KIAA1958: variants seen among roughly 807,000 people sequenced by gnomAD.
KIAA1958 encodes KIAA1958, also known as uncharacterized protein KIAA1958.
Under a neutral mutation model 47.2 loss-of-function variants are expected in KIAA1958, and 14 were observed. The ratio of observed to expected loss-of-function variants is 0.30; its 90% CI spans 0.20 to 0.46. The LOEUF (loss-of-function observed/expected upper bound fraction) is 0.46. Among genes scored for constraint, KIAA1958 ranks in the 20% least tolerant of loss-of-function variants. KIAA1958 has a pLI of 1.00. For missense variants in KIAA1958, 803 were observed against 909.2 expected (o/e 0.88, Z 1.50); for synonymous variants, 354 against 353.3 (o/e 1.00, Z -0.02).
rs1273781964 is a variant in KIAA1958 at position 112,668,061 on chromosome 9, C to T, written c.*7992C>T. On this transcript the variant is annotated 3_prime_UTR_variant, in exon 4 of 4. Transcript: ENST00000337530. ...GCATCATGTTTCTTCATTTTTATTA[C>T]CGAAATAATGTATAAATTGCTCTTG... 1.7e-5 allele frequency: 1 copy of T among 60,056 alleles called. No homozygotes were observed. Among genetic ancestry groups the T allele is most frequent in the Non-Finnish European group, 2.9e-5 (1 of 34,050 alleles). 3.7% of individuals were successfully genotyped at this position (60,056 alleles called of 1,614,324 possible). A position where few individuals can be genotyped will look rare whatever the true frequency, so the allele number is the denominator to read the frequency against.
At chr9:112,507,832 T>C (rs1834257199) in intron 1 of KIAA1958, among the ~76,000 whole-genome samples, 2 of 151,976 alleles carry the variant, frequency 1.3e-5, no homozygotes, top group Non-Finnish European at 2.9e-5. Context: ...GAGGTTTCAC[T>C]ATATTTCCTA....
rs1588057417 is a variant in KIAA1958 at position 112,659,412 on chromosome 9, C to G, written c.1494C>G (p.Ile498Met). The G allele has an allele frequency of 6.2e-7, 1 of 1,614,166 alleles. No individual in the cohort carries two copies. The highest frequency in any genetic ancestry group is 1.3e-5 in the African/African-American group (1 of 75,048). ...AGAATGCAGGTGTCGGCTTTTCCAT[C>G]ACCAGCAGCACCTTCAGCTCCTCCA... ...ILKNAGVGFS[I>M]TSSTFSSSTK... Residue 498 changes from isoleucine (I) to methionine (M), a missense_variant, in exon 4 of 4, where the codon ATC (isoleucine) becomes ATG (methionine). By Grantham distance (10) the Ile-to-Met change is conservative. Transcript: ENST00000337530.
At chr9:112,520,321 C>A (rs1380115668) in intron 1 of KIAA1958, among the ~76,000 whole-genome samples, 2 of 152,192 alleles carry the variant, frequency 1.3e-5, no homozygotes, top group East Asian at 3.9e-4. Flanking sequence ...TCTCAAATAA[C>A]TAGAGGCCAA....
At chr9:112,590,642 C>T (rs991181375) in intron 2 of KIAA1958, among the ~76,000 whole-genome samples, 3 of 152,182 alleles carry the variant, frequency 2.0e-5, no homozygotes, top group Non-Finnish European at 4.4e-5. Context: ...TGAGCCACAG[C>T]GCCGGGCCCA....
intron 3 of KIAA1958, among the ~76,000 whole-genome samples, chr9:112,648,855 G>A (rs1837016434): frequency 6.6e-6 from 1 of 152,168 alleles, no homozygotes; most frequent in African/African-American, 2.4e-5. Flanking sequence ...TATCAGACGT[G>A]CAATGAAGCA....
intron 1 of KIAA1958, among the ~76,000 whole-genome samples, chr9:112,493,213 C>G (rs1002284123): frequency 1.3e-5 from 2 of 151,500 alleles, no homozygotes; most frequent in African/African-American, 4.9e-5. Flanking sequence ...GTAAGTTATG[C>G]ACTATTTGTT....
At chr9:112,498,905 T>C (rs1213504688) in intron 1 of KIAA1958, among the ~76,000 whole-genome samples, 1 of 152,202 alleles carries the variant, frequency 6.6e-6, no homozygotes, top group Non-Finnish European at 1.5e-5. Context: ...CTCCCTTTAC[T>C]CTTCCCAGCC....
chr9:112,668,253 A>G lies in KIAA1958; in HGVS notation c.*8184A>G, dbSNP rs1837377062. The G allele has an allele frequency of 6.6e-6, 1 of 152,224 alleles. No homozygotes were observed. Among genetic ancestry groups the G allele is most frequent in the African/African-American group, 2.4e-5 (1 of 41,454 alleles). The allele number at this position is 152,224 out of a possible 1,614,324, so 9.4% of individuals were successfully genotyped here. On this transcript the variant is annotated 3_prime_UTR_variant, in exon 4 of 4. Coordinates refer to ENST00000337530, the MANE Select transcript of KIAA1958 (RefSeq NM_133465.4). ...CTCAAACGCAGAACTAAAAATGGGT[A>G]TAAAGTCAGAAAATTGCAGAATATA...
chr9:112,515,167 A>G (rs1834397365), intron 1 of KIAA1958, among the ~76,000 whole-genome samples: 1 of 95,286 alleles, frequency 1.0e-5, no homozygotes, highest in African/African-American at 3.7e-5. Context: ...CTGGGAAGTG[A>G]GGAGCCCCTC....
chr9:112,612,716 A>G (rs566951643), intron 2 of KIAA1958, among the ~76,000 whole-genome samples: 32 of 152,338 alleles, frequency 2.1e-4, no homozygotes, highest in African/African-American at 6.7e-4. Context: ...AGTTAGTTCA[A>G]CATATGTGCA....
At chr9:112,626,066 A>T (rs1836604411) in intron 2 of KIAA1958, among the ~76,000 whole-genome samples, 1 of 152,224 alleles carries the variant, frequency 6.6e-6, no homozygotes, top group African/African-American at 2.4e-5. Flanking sequence ...AAGTTTTGGG[A>T]CATATCCTCA....
intron 2 of KIAA1958, among the ~76,000 whole-genome samples, chr9:112,632,908 CTTT>C (rs5900008): frequency 0.011 from 1,580 of 143,082 alleles, 16 homozygotes; most frequent in Middle Eastern, 0.022. Context: ...TGGAAACAGC[CTTT>C]TTTTTTTTTT....
chr9:112,607,122 C>T (rs1469653574), intron 2 of KIAA1958, among the ~76,000 whole-genome samples: 7 of 151,940 alleles, frequency 4.6e-5, no homozygotes, highest in African/African-American at 9.7e-5. Context: ...TTTGGGAGGC[C>T]GAGGTGGGCA....
At chr9:112,645,595 C>T (rs981688204) in intron 2 of KIAA1958, 55 bp from the exon 3 acceptor site, 4 of 1,215,686 alleles carry the variant, frequency 3.3e-6, no homozygotes, top group African/African-American at 1.5e-5. Context: ...AGATGTAATT[C>T]TCTAAAGAAG....
chr9:112,625,786 T>G (rs1836599720), intron 2 of KIAA1958, among the ~76,000 whole-genome samples: 1 of 152,240 alleles, frequency 6.6e-6, no homozygotes, highest in Non-Finnish European at 1.5e-5. Context: ...ACTTTTCTTT[T>G]TGGAGTTTGA....
rs780348736 is a variant in KIAA1958 at position 112,574,057 on chromosome 9, G to GA, written c.-23dup. On this transcript the variant is annotated splice_region_variant and 5_prime_UTR_variant, in exon 2 of 4. An upstream open reading frame in the 5' UTR gains an earlier in-frame stop. Transcript: ENST00000337530. ...TCTTCTTTTGATTATTTCCCTTTAG[G>GA]AGTGACACTGCTGATCCTGTAACAT... is the stretch of plus-strand genomic sequence containing the variant. 3 of 1,450,042 alleles carry GA rather than the reference G, an allele frequency of 2.1e-6. No homozygotes were observed. Among genetic ancestry groups the GA allele is most frequent in the Non-Finnish European group, 2.8e-6 (3 of 1,061,024 alleles). The allele number at this position is 1,450,042 out of a possible 1,614,324, so 89.8% of individuals were successfully genotyped here. A position where few individuals can be genotyped will look rare whatever the true frequency, so the allele number is the denominator to read the frequency against.
At chr9:112,599,918 A>G (rs984614384) in intron 2 of KIAA1958, among the ~76,000 whole-genome samples, 3 of 152,192 alleles carry the variant, frequency 2.0e-5, no homozygotes, top group Non-Finnish European at 4.4e-5. Context: ...GCAGTCTCTA[A>G]TAAGCAATAT....
chr9:112,596,890 G>A (rs1836041947), intron 2 of KIAA1958, among the ~76,000 whole-genome samples: 1 of 152,014 alleles, frequency 6.6e-6, no homozygotes, highest in South Asian at 2.1e-4. Context: ...TTCATATTTT[G>A]ATCCTTACTG....
intron 1 of KIAA1958, among the ~76,000 whole-genome samples, chr9:112,568,973 A>C (rs1037605110): frequency 7.2e-6 from 1 of 138,414 alleles, no homozygotes; most frequent in Non-Finnish European, 1.6e-5. Flanking sequence ...AAAAATTGAC[A>C]TATGACAATG....
Sources: allele counts gnomAD v4.1 joint callset (sites outside exome capture counted in the v4.1 genomes callset), GRCh38; gene constraint gnomAD v4.1.1; transcripts MANE v1.5; gene names NCBI Gene and HGNC (gene_info 2026-07-23, HGNC 2026-07-21).